Variants in TENM3 observed in about 807,000 individuals in gnomAD.
TENM3 encodes teneurin transmembrane protein 3.
A neutral mutation model predicts 255.1 loss-of-function variants in TENM3; 63 were observed. The ratio of observed to expected loss-of-function variants is 0.25; its 90% CI spans 0.20 to 0.30. TENM3 has a LOEUF of 0.30. Ranked by LOEUF, TENM3 falls within the 10% of genes least tolerant of loss-of-function variation. The pLI is 1.00. For missense variants in TENM3, 2,929 were observed against 3,461.1 expected, an observed-to-expected ratio of 0.85 and a Z score of 3.86; for synonymous variants, 1,306 against 1,322.3, an observed-to-expected ratio of 0.99 and a Z score of 0.27.
At chr4:181,929,465 G>C in the TENM3 span, among the ~76,000 whole-genome samples, 1 of 152,030 alleles carries the variant, frequency 6.6e-6, no homozygotes, top group African/African-American at 2.4e-5. Context: ...AGGAATCAAT[G>C]TAACAAGAAG....
the TENM3 span, among the ~76,000 whole-genome samples, chr4:182,100,835 ATATACT>A: frequency 8.8e-4 from 6 of 6,850 alleles, no homozygotes; most frequent in African/African-American, 1.2e-3. Flanking sequence ...ATATATATAT[ATATACT>A]CATATATATA....
chr4:182,199,987 A>G (rs1489919776), intron 1 of TENM3, among the ~76,000 whole-genome samples: 1 of 152,126 alleles, frequency 6.6e-6, no homozygotes, highest in African/African-American at 2.4e-5. Context: ...TGGGTCTCCC[A>G]AAGTGCTGGG....
chr4:182,254,837 A>G (rs1413706207), intron 1 of TENM3, among the ~76,000 whole-genome samples: 1 of 152,198 alleles, frequency 6.6e-6, no homozygotes. Context: ...CAAATATATC[A>G]GTGCCCATTG....
intron 4 of TENM3, among the ~76,000 whole-genome samples, chr4:182,602,933 CAAATT>C (rs1392185751): frequency 2.6e-5 from 4 of 152,106 alleles, no homozygotes; most frequent in African/African-American, 4.8e-5. Flanking sequence ...TGAAATATGT[CAAATT>C]AAATCCTCAG....
chr4:181,583,728 G>A, the TENM3 span, among the ~76,000 whole-genome samples: 1 of 152,052 alleles, frequency 6.6e-6, no homozygotes, highest in African/African-American at 2.4e-5. Context: ...TCAGAAGTTT[G>A]GTCATACTAT....
At chr4:182,089,609 G>GA in the TENM3 span, among the ~76,000 whole-genome samples, 1 of 152,100 alleles carries the variant, frequency 6.6e-6, no homozygotes, top group African/African-American at 2.4e-5. Flanking sequence ...TCATGTAACA[G>GA]AAGACAATAT....
At chr4:181,771,647 T>A in the TENM3 span, among the ~76,000 whole-genome samples, 2 of 152,192 alleles carry the variant, frequency 1.3e-5, no homozygotes, top group Admixed American at 6.5e-5. Context: ...TTCCCAAGAG[T>A]TATTTAGTAT....
chr4:182,102,677 G>C, the TENM3 span, among the ~76,000 whole-genome samples: 1 of 152,178 alleles, frequency 6.6e-6, no homozygotes, highest in Non-Finnish European at 1.5e-5. Context: ...AAAATACAAA[G>C]GGAGTTAAGA....
At chr4:182,515,286 A>G (rs1381973158) in intron 3 of TENM3, among the ~76,000 whole-genome samples, 1 of 152,214 alleles carries the variant, frequency 6.6e-6, no homozygotes, top group Non-Finnish European at 1.5e-5. Flanking sequence ...AAAAAATCCA[A>G]GTGAAAACTT....
chr4:182,084,876 T>C, the TENM3 span: 2 of 152,140 alleles, frequency 1.3e-5, 1 homozygote, highest in East Asian at 3.9e-4. Context: ...CAAAATCCCA[T>C]AAATTCCTCC....
chr4:182,389,589 T>C (rs972716261), intron 3 of TENM3, among the ~76,000 whole-genome samples: 2 of 152,168 alleles, frequency 1.3e-5, no homozygotes, highest in Non-Finnish European at 2.9e-5. Context: ...TGGAAATTTG[T>C]TTAACTATGC....
chr4:181,816,396 C>T, the TENM3 span, among the ~76,000 whole-genome samples: 6 of 152,154 alleles, frequency 3.9e-5, no homozygotes, highest in Non-Finnish European at 8.8e-5. Context: ...AACTCTATCC[C>T]CTGCTGTCTT....
the TENM3 span, among the ~76,000 whole-genome samples, chr4:181,626,586 C>T: frequency 2.6e-5 from 4 of 152,026 alleles, no homozygotes; most frequent in African/African-American, 9.7e-5. Context: ...GGAGATGCCA[C>T]GCTCTTTTAA....
chr4:181,486,499 T>C, the TENM3 span, among the ~76,000 whole-genome samples: 1 of 152,188 alleles, frequency 6.6e-6, no homozygotes, highest in African/African-American at 2.4e-5. Context: ...ATTAGATATA[T>C]AAAAAAGGAG....
the TENM3 span, among the ~76,000 whole-genome samples, chr4:181,921,100 T>A: frequency 1.3e-5 from 2 of 152,328 alleles, no homozygotes; most frequent in African/African-American, 4.8e-5. Flanking sequence ...TATGTCTCTG[T>A]TTTGGTACCA....
At chr4:181,838,006 T>C in the TENM3 span, among the ~76,000 whole-genome samples, 3,255 of 152,102 alleles carry the variant, frequency 0.021, 55 homozygotes, top group Middle Eastern at 0.048. Context: ...GGCGTTGTGG[T>C]GCACGCCTGT....
the TENM3 span, among the ~76,000 whole-genome samples, chr4:181,714,281 T>C: frequency 1.3e-5 from 2 of 151,098 alleles, no homozygotes; most frequent in African/African-American, 4.9e-5. Context: ...ACAAAGAAGT[T>C]AGAAAAAAAA....
At chr4:181,661,954 A>C in the TENM3 span, among the ~76,000 whole-genome samples, 1 of 151,532 alleles carries the variant, frequency 6.6e-6, no homozygotes, top group African/African-American at 2.4e-5. Context: ...GCTTGACCTT[A>C]TCAAATTGGC....
intron 1 of TENM3, among the ~76,000 whole-genome samples, chr4:182,196,057 C>T (rs1753817470): frequency 6.6e-6 from 1 of 152,100 alleles, no homozygotes; most frequent in African/African-American, 2.4e-5. Flanking sequence ...AGCTAACAGT[C>T]CTCTTTGGGC....
Sources: gnomAD v4.1 joint callset for allele counts (sites outside exome capture counted in the v4.1 genomes callset) on GRCh38, gnomAD v4.1.1 for gene constraint, MANE v1.5 for transcripts, NCBI Gene and HGNC (gene_info 2026-07-23, HGNC 2026-07-21) for gene names.